The following SPIRE1 variants were observed in gnomAD, a reference collection of about 807,000 sequenced individuals.
SPIRE1 encodes protein spire homolog 1.
Under a neutral mutation model 94.1 loss-of-function variants are expected in SPIRE1, and 40 were observed. The ratio of observed to expected loss-of-function variants is 0.43; its 90% CI spans 0.33 to 0.55. The LOEUF is 0.55. Ranked by LOEUF, SPIRE1 falls within the 20% of genes least tolerant of loss-of-function variation. The pLI is 0.06. For missense variants in SPIRE1, 838 were observed against 975.2 expected (o/e 0.86, Z 1.87); for synonymous variants, 376 against 371.7 (o/e 1.01, Z -0.13).
rs547519395 is a variant in SPIRE1, at chr18:12,535,355, A to T, written c.729+121T>A. On this transcript the variant is annotated intron_variant, in intron 4 of 16. Coordinates refer to ENST00000409402, the MANE Select transcript of SPIRE1 (RefSeq NM_001128626.2). ...GACTTTCAGCACTCATCTAAAGGAT[A>T]GTAATAAATCTTTTAAAACAATACA... is the stretch of plus-strand genomic sequence containing the variant. 2.8e-5 allele frequency: 29 copies of T among 1,027,848 alleles called. 3 individuals carry two copies. The South Asian group carries it at 4.7e-4, about 17-fold the overall frequency. 63.7% of individuals were successfully genotyped at this position (1,027,848 alleles called of 1,614,324 possible). A position where few individuals can be genotyped will look rare whatever the true frequency, so the allele number is the denominator to read the frequency against.
chr18:12,516,040 T>A (rs1354205321), intron 4 of SPIRE1: 1 of 152,046 alleles, frequency 6.6e-6, no homozygotes, highest in East Asian at 1.9e-4. Flanking sequence ...ATTAAAAAAA[T>A]ATTACAACAG....
chr18:12,464,131 T>C (rs1298948268), intron 11 of SPIRE1, among the ~76,000 whole-genome samples: 1 of 152,194 alleles, frequency 6.6e-6, no homozygotes, highest in African/African-American at 2.4e-5. Flanking sequence ...CAAAGTTACA[T>C]ATGATCCATC....
At chr18:12,652,100 C>A (rs2038395301) in intron 1 of SPIRE1, among the ~76,000 whole-genome samples, 1 of 152,210 alleles carries the variant, frequency 6.6e-6, no homozygotes, top group Non-Finnish European at 1.5e-5. Flanking sequence ...TGAGACCACA[C>A]ATGATTCTAA....
chr18:12,497,415 G>A (rs934008674), intron 6 of SPIRE1, among the ~76,000 whole-genome samples: 2 of 152,030 alleles, frequency 1.3e-5, no homozygotes, highest in African/African-American at 4.8e-5. Flanking sequence ...TTTGTTTCCT[G>A]GTCTTGTTTG....
In SPIRE1 at chr18:12,493,276, T is replaced by A; in HGVS notation, c.1060-75A>T. 3.8e-6 allele frequency: 5 copies of A among 1,306,644 alleles called. 1 individual carries two copies. Among genetic ancestry groups the A allele is most frequent in the Middle Eastern group, 5.4e-4 (2 of 3,690 alleles). 80.9% of individuals were successfully genotyped at this position (1,306,644 alleles called of 1,614,324 possible). A position where few individuals can be genotyped will look rare whatever the true frequency, so the allele number is the denominator to read the frequency against. ...ACTGAAGTCTAGTCATACAGTACAG[T>A]ATTATAAATTACATTTCATTGACTG... On this transcript the variant is annotated intron_variant, in intron 7 of 16. Coordinates refer to ENST00000409402, the MANE Select transcript of SPIRE1 (RefSeq NM_001128626.2).
intron 16 of SPIRE1, among the ~76,000 whole-genome samples, chr18:12,451,555 G>T (rs2031236948): frequency 6.6e-6 from 1 of 152,200 alleles, no homozygotes; most frequent in Non-Finnish European, 1.5e-5. Flanking sequence ...AGGTCTCAGA[G>T]GAGGCAGCCC....
intron 2 of SPIRE1, among the ~76,000 whole-genome samples, chr18:12,611,993 A>C: frequency 6.6e-6 from 1 of 152,110 alleles, no homozygotes; most frequent in Non-Finnish European, 1.5e-5. Flanking sequence ...ATGTAGCAAT[A>C]GATATCTAAC....
rs1186265842 is a variant in SPIRE1, at chr18:12,535,631, C to T, written c.604-30G>A. 4 of 1,594,378 alleles carry T rather than the reference C, an allele frequency of 2.5e-6. No homozygotes were observed. In the African/African-American group the frequency reaches 4.0e-5, roughly 16 times the overall value. ...AGAAGGGGAAAATAAAATAATGGTG[C>T]TTGGTTACTATTTGGGTTTTTTTTG... On this transcript the variant is annotated intron_variant, in intron 3 of 16. Transcript: ENST00000409402.
chr18:12,512,193 C>T (rs1041908153), intron 5 of SPIRE1, among the ~76,000 whole-genome samples: 61 of 152,060 alleles, frequency 4.0e-4, no homozygotes, highest in African/African-American at 1.4e-3. Context: ...GGTGAAACCC[C>T]GTCTCTACTA....
intron 2 of SPIRE1, among the ~76,000 whole-genome samples, chr18:12,626,903 G>C (rs1365095049): frequency 1.8e-4 from 9 of 50,112 alleles, no homozygotes; most frequent in Non-Finnish European, 4.2e-4. Flanking sequence ...TTTTTTTTTT[G>C]CCCAGAGGAT....
At chr18:12,478,718 T>C (rs1319176570) in intron 10 of SPIRE1, among the ~76,000 whole-genome samples, 1 of 151,996 alleles carries the variant, frequency 6.6e-6, no homozygotes, top group Non-Finnish European at 1.5e-5. Context: ...TTTACCTAAG[T>C]TGATTTTGAG....
intron 4 of SPIRE1, among the ~76,000 whole-genome samples, chr18:12,517,052 A>G (rs1456936280): frequency 1.3e-5 from 2 of 152,192 alleles, no homozygotes. Flanking sequence ...CTTTGGGGAA[A>G]TTTTTAAATT....
chr18:12,543,343 G>A (rs1008313907), intron 3 of SPIRE1, among the ~76,000 whole-genome samples: 3 of 152,110 alleles, frequency 2.0e-5, no homozygotes, highest in Non-Finnish European at 4.4e-5. Flanking sequence ...TGAGTGCAAC[G>A]GCACCATTAC....
upstream of SPIRE1, among the ~76,000 whole-genome samples, chr18:12,659,453 G>C (rs2038649903): frequency 6.6e-6 from 1 of 152,096 alleles, no homozygotes. Flanking sequence ...AGATCACTGA[G>C]GTCAGGAGTT....
Position 12,454,451 on chromosome 18 carries a change from A to G in SPIRE1, c.1671T>C (p.Ala557=). 6.2e-7 allele frequency: 1 copy of G among 1,614,048 alleles called. No homozygotes were observed. Among genetic ancestry groups the G allele is most frequent in the Non-Finnish European group, 8.5e-7 (1 of 1,179,992 alleles). ...TATGCATCACTTCTTCCACAGTAAG[A>G]GCGAGGCATTCCACTGGGTAGCAGA... ...EEFCYPVECL[A]LTVEEVMHIR... The change falls in exon 13 of 17, where the codon GCT becomes GCC. Residue 557 remains alanine (A), a synonymous_variant. Transcript: ENST00000409402.
intron 12 of SPIRE1, among the ~76,000 whole-genome samples, chr18:12,461,448 ATG>A (rs1271171014): frequency 2.9e-5 from 4 of 136,912 alleles, no homozygotes; most frequent in Admixed American, 7.1e-5. Flanking sequence ...ATATACATAC[ATG>A]TGTGTATGTA....
chr18:12,624,626 C>T (rs1411667208), intron 2 of SPIRE1, among the ~76,000 whole-genome samples: 1 of 147,274 alleles, frequency 6.8e-6, no homozygotes, highest in African/African-American at 2.5e-5. Context: ...ATATGGTAAA[C>T]TCTTTTGAGA....
chr18:12,650,307 C>T (rs562315494), intron 1 of SPIRE1, among the ~76,000 whole-genome samples: 1 of 152,090 alleles, frequency 6.6e-6, no homozygotes, highest in Non-Finnish European at 1.5e-5. Context: ...GCCTGCAATT[C>T]CAGCACTTTG....
intron 1 of SPIRE1, among the ~76,000 whole-genome samples, chr18:12,644,031 C>CAAAA (rs72419037): frequency 7.6e-6 from 1 of 132,214 alleles, no homozygotes; most frequent in Non-Finnish European, 1.6e-5. Flanking sequence ...CTGTCTCAAC[C>CAAAA]AAAAAAAAAA....
Sources: gnomAD v4.1 joint callset for allele counts (sites outside exome capture counted in the v4.1 genomes callset) on GRCh38, gnomAD v4.1.1 for gene constraint, MANE v1.5 for transcripts, NCBI Gene and HGNC (gene_info 2026-07-23, HGNC 2026-07-21) for gene names.